The following SORCS2 variants were observed in gnomAD, a reference collection of about 807,000 sequenced individuals.
SORCS2 encodes the protein VPS10 domain-containing receptor SorCS2.
SORCS2 carries 100 observed loss-of-function variants against 141.6 expected under a neutral mutation model. That is an observed-to-expected ratio of 0.71 (90% confidence interval 0.60 to 0.83). SORCS2 has a LOEUF of 0.83. SORCS2 is among the 40% of genes least tolerant of loss of function. The pLI is 0.00. For synonymous variants in SORCS2, 789 were observed against 676.9 expected (o/e 1.17, Z -2.57); for missense variants, 1,646 against 1,560.2 (o/e 1.05, Z -0.93).
chr4:7,268,012 G>A (rs978160183), intron 1 of SORCS2, among the ~76,000 whole-genome samples: 2 of 152,192 alleles, frequency 1.3e-5, no homozygotes, highest in African/African-American at 4.8e-5. Context: ...CAGGCCCGCT[G>A]GTGCCGGCTG....
At chr4:7,710,257 C>T (rs1725738937) in intron 14 of SORCS2, among the ~76,000 whole-genome samples, 1 of 152,188 alleles carries the variant, frequency 6.6e-6, no homozygotes, top group Non-Finnish European at 1.5e-5. Context: ...GTTCCAACGC[C>T]GCCCCTCCAG....
chr4:7,710,681 C>T (rs1190653802), intron 14 of SORCS2, among the ~76,000 whole-genome samples: 1 of 152,208 alleles, frequency 6.6e-6, no homozygotes, highest in African/African-American at 2.4e-5. Flanking sequence ...TCATCCCAAT[C>T]ACGGGTGCCC....
At chr4:7,520,351 G>A (rs192953599) in intron 2 of SORCS2, among the ~76,000 whole-genome samples, 139 of 152,342 alleles carry the variant, frequency 9.1e-4, no homozygotes, top group Non-Finnish European at 1.6e-3. Context: ...CACAGTTGGC[G>A]AAGAGTAAAT....
Position 7,726,845 on chromosome 4 carries a change from G to A in SORCS2, c.2811G>A (p.Thr937=), listed in dbSNP as rs529978013. Residue 937 remains threonine, a synonymous_variant, in exon 21 of 27, where the codon ACG becomes ACA. Coordinates refer to ENST00000507866, the MANE Select transcript of SORCS2 (RefSeq NM_020777.3). The part of the protein sequence containing the change: ...RFSDTGDVRV[T]VQAACGNSVL... ...CGGACACGGGCGACGTGCGTGTGAC[G>A]GTGCAGGCCGCCTGTGGGAACTCGG... The A allele has an allele frequency of 1.2e-4, 186 of 1,613,880 alleles. 1 individual carries two copies. In the South Asian group the frequency reaches 1.8e-3, roughly 16 times the overall value.
At chr4:7,728,046 C>T (rs1223182328) in intron 21 of SORCS2, among the ~76,000 whole-genome samples, 6 of 152,160 alleles carry the variant, frequency 3.9e-5, no homozygotes, top group African/African-American at 1.4e-4. Context: ...CCTGGGTCAG[C>T]GCATCTTTAT....
At chr4:7,309,812 C>T (rs4689695) in intron 1 of SORCS2, among the ~76,000 whole-genome samples, 35,795 of 151,950 alleles carry the variant, frequency 0.24, 4,848 homozygotes, top group Admixed American at 0.35. Flanking sequence ...GCCCGCGTAA[C>T]CCACCGGGAG....
At chr4:7,473,038 C>T (rs185731355) in intron 2 of SORCS2, among the ~76,000 whole-genome samples, 22 of 152,192 alleles carry the variant, frequency 1.4e-4, no homozygotes, top group East Asian at 5.8e-4. Context: ...ATGCTAGACA[C>T]GGTAGAGTTT....
chr4:7,518,343 C>T (rs114965652), intron 2 of SORCS2, among the ~76,000 whole-genome samples: 2,122 of 152,230 alleles, frequency 0.014, 54 homozygotes, highest in African/African-American at 0.048. Flanking sequence ...GCGGCTCACA[C>T]GCACCCTCTT....
intron 4 of SORCS2, among the ~76,000 whole-genome samples, chr4:7,649,089 C>G (rs1012790923): frequency 6.6e-6 from 1 of 152,210 alleles, no homozygotes; most frequent in South Asian, 2.1e-4. Flanking sequence ...GGCTCTAACC[C>G]TGGCTTTGCA....
Position 7,663,425 on chromosome 4 carries a change from C to G in SORCS2, c.953-928C>G, listed in dbSNP as rs550109177. On this transcript the variant is annotated intron_variant, in intron 6 of 26. Coordinates refer to ENST00000507866, the MANE Select transcript of SORCS2 (RefSeq NM_020777.3). This position sits in a 1 kb window ranked among gnomAD's most constrained non-coding sequence, Gnocchi z 4.8. ...TCACTGCATCTCCAGCCAGGCAGCC[C>G]CACTGCAGGAAGTTCAGTGGTTCAG... 1.1e-4 allele frequency among the ~76,000 whole-genome samples: 17 copies of G among 152,312 alleles called. No individual in the cohort carries two copies. The South Asian group carries it at 2.7e-3, about 24-fold the overall frequency.
chr4:7,649,925 A>G (rs1406684959), intron 4 of SORCS2, among the ~76,000 whole-genome samples: 1 of 152,184 alleles, frequency 6.6e-6, no homozygotes, highest in African/African-American at 2.4e-5. Context: ...GCGGCACAGA[A>G]GAAGTCAGTT....
At position 7,220,401 on chromosome 4, in the gene SORCS2, T is replaced by G. The variant is rs576128418; in HGVS notation, c.480+27275T>G. Among the ~76,000 whole-genome samples the G allele has an allele frequency of 2.4e-4, 37 of 152,274 alleles. No individual in the cohort carries two copies. The South Asian group carries it at 2.5e-3, about 10-fold the overall frequency. On this transcript the variant is annotated intron_variant, in intron 1 of 26. Transcript: ENST00000507866. ...TCTTCTCTGCACCCCACTACTGGAT[T>G]CAAGGCATGGTGGAGTAATGGAAAG...
At chr4:7,356,460 C>T (rs895371932) in intron 1 of SORCS2, among the ~76,000 whole-genome samples, 2 of 152,098 alleles carry the variant, frequency 1.3e-5, no homozygotes, top group Admixed American at 6.5e-5. Flanking sequence ...CCTCACATGG[C>T]GTTGGCTCAG....
intron 3 of SORCS2, among the ~76,000 whole-genome samples, chr4:7,587,383 G>A (rs73794308): frequency 0.013 from 2,028 of 152,306 alleles, 54 homozygotes; most frequent in African/African-American, 0.046. Flanking sequence ...CCATGTTGGC[G>A]TTTTCATTGA....
chr4:7,521,449 T>C (rs1220641500), intron 2 of SORCS2, among the ~76,000 whole-genome samples: 1 of 152,176 alleles, frequency 6.6e-6, no homozygotes, highest in East Asian at 1.9e-4. Context: ...GGAATTTTAT[T>C]GAACAACTTC....
intron 1 of SORCS2, among the ~76,000 whole-genome samples, chr4:7,368,578 G>A (rs1011872843): frequency 1.3e-5 from 2 of 152,194 alleles, no homozygotes; most frequent in African/African-American, 4.8e-5. Flanking sequence ...GGCTGGTCCT[G>A]GTCACAACCC....
chr4:7,401,504 G>C (rs1164365632), intron 2 of SORCS2, among the ~76,000 whole-genome samples: 1 of 152,206 alleles, frequency 6.6e-6, no homozygotes. Flanking sequence ...CTCTGATTCT[G>C]TCAGGAGGAG....
chr4:7,585,590 T>C (rs887843937), intron 3 of SORCS2, among the ~76,000 whole-genome samples: 3 of 152,258 alleles, frequency 2.0e-5, no homozygotes, highest in Non-Finnish European at 2.9e-5. Context: ...AAACAACTTA[T>C]AGACTAGTCA....
chr4:7,543,412 CATCT>C (rs79191592), intron 3 of SORCS2, among the ~76,000 whole-genome samples: 92,521 of 143,112 alleles, frequency 0.65, 32,083 homozygotes, highest in East Asian at 0.86. Flanking sequence ...TCCACCCATC[CATCT>C]ATCCATCCAT....
Sources: allele counts gnomAD v4.1 joint callset (sites outside exome capture counted in the v4.1 genomes callset), GRCh38; gene constraint gnomAD v4.1.1; non-coding constraint Gnocchi (gnomAD v3.1); transcripts MANE v1.5; gene names NCBI Gene and HGNC (gene_info 2026-07-23, HGNC 2026-07-21).